The following LOXHD1 variants were observed in gnomAD, a reference collection of about 807,000 sequenced individuals.
LOXHD1 encodes the protein lipoxygenase homology PLAT domains 1.
A neutral mutation model predicts 248.2 loss-of-function variants in LOXHD1; 205 were observed. That is an observed-to-expected ratio of 0.83 (90% CI 0.74 to 0.93). The LOEUF is 0.93. LOXHD1 is among the 40% of genes least tolerant of loss of function. LOXHD1 has a pLI of 0.00. For synonymous variants in LOXHD1, 1,113 were observed against 1,162.8 expected, an observed-to-expected ratio of 0.96 and a Z score of 0.87; for missense variants, 2,930 against 2,971.6, an observed-to-expected ratio of 0.99 and a Z score of 0.33.
At chr18:46,649,123 C>A in intron 2 of LOXHD1, 32 bp downstream of exon 2, 2 of 1,521,658 alleles carry the variant, frequency 1.3e-6, no homozygotes, top group Non-Finnish European at 1.8e-6. Flanking sequence ...ACTAATGGCC[C>A]AGGATCCCAC....
chr18:46,551,837 T>G (rs1568175238), intron 21 of LOXHD1, among the ~76,000 whole-genome samples: 2 of 152,104 alleles, frequency 1.3e-5, no homozygotes, highest in Non-Finnish European at 2.9e-5. Context: ...TCTAAAAAGG[T>G]GGTACGTACA....
rs1410914898 is a variant in LOXHD1, at chr18:46,529,193, T to A, written c.4514A>T (p.Lys1505Met). The change falls in exon 29 of 41, where the codon AAG becomes ATG. Residue 1505 changes from lysine (K) to methionine (M), a missense_variant. Lys to Met is a moderately conservative substitution (Grantham distance 95). Transcript: ENST00000642948. Reference sequence around the variant, plus strand: ...CCCTCATACCGTTCCTCTCTCGAACTTGTTGGTCCGGTTCTCTGACTTGCC... The same window carrying A: ...CCCTCATACCGTTCCTCTCTCGAACATGTTGGTCCGGTTCTCTGACTTGCC... ...YLGKSENRTN[K>M]FERGTADTFI... is the part of the protein sequence containing the mutation. 1 of 1,551,538 alleles carries A rather than the reference T, an allele frequency of 6.4e-7. No individual in the cohort carries two copies. The highest frequency in any genetic ancestry group is 8.7e-7 in the Non-Finnish European group (1 of 1,146,970).
At chr18:46,549,809 C>T (rs151110305) in intron 21 of LOXHD1, among the ~76,000 whole-genome samples, 2,237 of 152,224 alleles carry the variant, frequency 0.015, 30 homozygotes, top group Non-Finnish European at 0.024. Context: ...CTTATAGGAC[C>T]CCCCAGGCCA....
At chr18:46,596,311 C>T (rs2038256106) in intron 8 of LOXHD1, among the ~76,000 whole-genome samples, 1 of 152,158 alleles carries the variant, frequency 6.6e-6, no homozygotes, top group South Asian at 2.1e-4. Flanking sequence ...ACATACATTG[C>T]TGAGCTGCCA....
chr18:46,627,331 C>G (rs1568224063), intron 4 of LOXHD1, among the ~76,000 whole-genome samples: 1 of 152,132 alleles, frequency 6.6e-6, no homozygotes, highest in Non-Finnish European at 1.5e-5. Context: ...AACACTTTCT[C>G]TGACTCTCAC....
intron 4 of LOXHD1, among the ~76,000 whole-genome samples, chr18:46,622,079 G>C (rs1383205475): frequency 6.6e-6 from 1 of 152,198 alleles, no homozygotes; most frequent in Non-Finnish European, 1.5e-5. Context: ...TGCAAGAAGG[G>C]CTCAAAGCAA....
In LOXHD1 at chr18:46,477,821, A is replaced by G. The variant is rs1183973070; in HGVS notation, c.6473T>C (p.Val2158Ala). 1 of 1,551,836 alleles carries G rather than the reference A, an allele frequency of 6.4e-7. No individual in the cohort carries two copies. ...TGGCTCATAGCCTGTTGTCACGATG[A>G]CTTCGTACTTGACGGGCACCAGGCT... is the stretch of plus-strand genomic sequence containing the variant. ...VQSLVPVKYE[V>A]IVTTGYEPGA... The change falls in exon 41 of 41, where the codon GTC (valine) becomes GCC (alanine). Residue 2158 changes from valine (V) to alanine (A), a missense_variant. Coordinates refer to ENST00000642948, the MANE Select transcript of LOXHD1 (RefSeq NM_001384474.1).
Position 46,522,257 on chromosome 18 carries a change from A to C in LOXHD1, c.4929T>G (p.Thr1643=). Residue 1643 remains threonine (T), a synonymous_variant, in exon 32 of 41, where the codon ACT becomes ACG. Coordinates refer to ENST00000642948, the MANE Select transcript of LOXHD1 (RefSeq NM_001384474.1). ...VTTGKHKDAA[T]DSRAFIFLIG... is the part of the protein sequence containing the mutation. ...TGAGAAAGATGAAGGCTCGGCTGTC[A>C]GTGGCCGCGTCCTTGTGCTTCCCAG... 6.4e-7 allele frequency: 1 copy of C among 1,551,832 alleles called. No homozygotes were observed. The highest frequency in any genetic ancestry group is 8.7e-7 in the Non-Finnish European group (1 of 1,147,020).
intron 8 of LOXHD1, among the ~76,000 whole-genome samples, chr18:46,598,995 G>A (rs1292466468): frequency 6.6e-6 from 1 of 152,016 alleles, no homozygotes; most frequent in Non-Finnish European, 1.5e-5. Flanking sequence ...ATATTCTTGA[G>A]GAAGAATAAC....
intron 21 of LOXHD1, among the ~76,000 whole-genome samples, chr18:46,555,664 T>C (rs1295366020): frequency 1.3e-5 from 2 of 152,166 alleles, no homozygotes; most frequent in African/African-American, 2.4e-5. Flanking sequence ...GGATCACTCA[T>C]GCTTTCTTCT....
Position 46,505,933 on chromosome 18 carries a change from T to C in LOXHD1, c.5783A>G (p.Asn1928Ser). 1 of 1,552,090 alleles carries C rather than the reference T, an allele frequency of 6.4e-7. No homozygotes were observed. Among genetic ancestry groups the C allele is most frequent in the Non-Finnish European group, 8.7e-7 (1 of 1,147,076 alleles). Residue 1928 changes from asparagine to serine, a missense_variant, in exon 37 of 41, where the codon AAC becomes AGC. Coordinates refer to ENST00000642948, the MANE Select transcript of LOXHD1 (RefSeq NM_001384474.1). ...GTCCGTGTTGTTCCGCTCAAACTTG[T>C]TCCAGTTTGCCGACTGCTTCAGGGC... Reference protein sequence around the residue: ...TLALKQSANWNKFERNNTDTF... With the variant: ...TLALKQSANWSKFERNNTDTF...
At position 46,594,445 on chromosome 18, in the gene LOXHD1, T is replaced by C; in HGVS notation, c.1156A>G (p.Thr386Ala). The C allele has an allele frequency of 6.4e-7, 1 of 1,551,540 alleles. No homozygotes were observed. Among genetic ancestry groups the C allele is most frequent in the Non-Finnish European group, 8.7e-7 (1 of 1,146,970 alleles). Residue 386 changes from threonine (T) to alanine (A), a missense_variant, in exon 9 of 41, where the codon ACT becomes GCT. Coordinates refer to ENST00000642948, the MANE Select transcript of LOXHD1 (RefSeq NM_001384474.1). ...CEKVVILCPF[T>A]GIQQTFPCSN... ...CAAGGGAAGGTCTGCTGGATACCAG[T>C]GAAGGGGCACAGAATCACCACCTGG...
intron 34 of LOXHD1, among the ~76,000 whole-genome samples, chr18:46,516,395 G>T (rs1274909146): frequency 6.6e-6 from 1 of 152,178 alleles, no homozygotes; most frequent in Non-Finnish European, 1.5e-5. Context: ...GAGGAAATGG[G>T]AGTTGCAAAA....
At chr18:46,509,841 A>G in intron 34 of LOXHD1, 26 bp from the exon 35 acceptor site, 1 of 1,123,830 alleles carries the variant, frequency 8.9e-7, no homozygotes, top group Non-Finnish European at 1.2e-6. Context: ...AGGGGCATGA[A>G]GAAGGGAAGC....
chr18:46,557,651 T>G (rs2037398096), intron 20 of LOXHD1, among the ~76,000 whole-genome samples, 162 bp from the exon 21 acceptor site: 2 of 152,186 alleles, frequency 1.3e-5, no homozygotes, highest in African/African-American at 4.8e-5. Flanking sequence ...AGTAGTCTGG[T>G]GTTTGGTCTG....
In LOXHD1 at chr18:46,520,098, C is replaced by T. The variant is rs76840473; in HGVS notation, c.5271+999G>A. 6.6e-5 allele frequency among the ~76,000 whole-genome samples: 10 copies of T among 152,304 alleles called. No homozygotes were observed. In the East Asian group the frequency reaches 1.9e-3, roughly 29 times the overall value. On this transcript the variant is annotated intron_variant, in intron 33 of 40. Coordinates refer to ENST00000642948, the MANE Select transcript of LOXHD1 (RefSeq NM_001384474.1). ...CTGTGTGCTCACCCACACCATCCGT[C>T]TGGCCACAGATGGAGATGTCTGGGG...
chr18:46,492,017 A>C (rs1334502641), intron 37 of LOXHD1, among the ~76,000 whole-genome samples: 1 of 152,210 alleles, frequency 6.6e-6, no homozygotes, highest in Non-Finnish European at 1.5e-5. Flanking sequence ...CCTGCTGCTC[A>C]CTTAATTGCC....
chr18:46,540,300 A>G (rs1343252043), intron 25 of LOXHD1, among the ~76,000 whole-genome samples: 1 of 152,216 alleles, frequency 6.6e-6, no homozygotes, highest in Non-Finnish European at 1.5e-5. Flanking sequence ...GCCACAGGCA[A>G]CAGAAAGAGA....
chr18:46,610,594 G>A (rs2038491970), intron 6 of LOXHD1, among the ~76,000 whole-genome samples, 182 bp downstream of exon 6: 1 of 152,190 alleles, frequency 6.6e-6, no homozygotes, highest in Non-Finnish European at 1.5e-5. Flanking sequence ...TGTGAAGATG[G>A]TAACGTGGAT....
Sources: allele counts gnomAD v4.1 joint callset (sites outside exome capture counted in the v4.1 genomes callset), GRCh38; gene constraint gnomAD v4.1.1; transcripts MANE v1.5; gene names NCBI Gene and HGNC (gene_info 2026-07-23, HGNC 2026-07-21).